Variants in SGCG observed in about 807,000 individuals in gnomAD.
The protein encoded by SGCG is gamma-sarcoglycan.
Under a neutral mutation model 29.3 loss-of-function variants are expected in SGCG, and 26 were observed. The ratio of observed to expected loss-of-function variants is 0.89; its 90% CI spans 0.65 to 1.23. The LOEUF (loss-of-function observed/expected upper bound fraction) is 1.23. SGCG is among the 50% of genes most tolerant of loss of function. SGCG has a pLI of 0.00. For missense variants in SGCG, 353 were observed against 356.0 expected, an observed-to-expected ratio of 0.99 and a Z score of 0.07; for synonymous variants, 145 against 129.7, an observed-to-expected ratio of 1.12 and a Z score of -0.80.
the SGCG span, among the ~76,000 whole-genome samples, chr13:23,165,923 T>C: frequency 2.0e-5 from 3 of 152,224 alleles, no homozygotes; most frequent in African/African-American, 7.2e-5. Flanking sequence ...AATTGCTCAT[T>C]AGTTCTAGCA....
intron 3 of SGCG, among the ~76,000 whole-genome samples, chr13:23,248,046 G>A (rs907254806): frequency 9.0e-5 from 13 of 143,690 alleles, no homozygotes; most frequent in South Asian, 2.3e-4. Context: ...AGGCCAAAGC[G>A]GGTGGATCAC....
intron 4 of SGCG, among the ~76,000 whole-genome samples, chr13:23,266,104 C>T (rs1880629102): frequency 6.6e-6 from 1 of 151,874 alleles, no homozygotes; most frequent in South Asian, 2.1e-4. Context: ...GTTGAAACCC[C>T]ATCTCTACCA....
intron 2 of SGCG, among the ~76,000 whole-genome samples, chr13:23,220,381 A>T (rs1878610476): frequency 6.6e-6 from 1 of 152,120 alleles, no homozygotes. Flanking sequence ...GCCAGGGAGG[A>T]GGAGGTTGCG....
chr13:23,300,854 G>A (rs372217317), intron 6 of SGCG, among the ~76,000 whole-genome samples: 4 of 147,110 alleles, frequency 2.7e-5, no homozygotes, highest in Admixed American at 6.8e-5. Flanking sequence ...GGTGGCTCAC[G>A]CCTGTAATCC....
chr13:23,267,013 CTG>C (rs1880666159), intron 4 of SGCG, among the ~76,000 whole-genome samples: 1 of 152,230 alleles, frequency 6.6e-6, no homozygotes, highest in Non-Finnish European at 1.5e-5. Context: ...CATTTCAAAT[CTG>C]TGAAATAAAA....
chr13:23,286,088 G>A (rs1881486436), intron 5 of SGCG, among the ~76,000 whole-genome samples: 1 of 152,136 alleles, frequency 6.6e-6, no homozygotes, highest in Admixed American at 6.5e-5. Flanking sequence ...CCAACAATGG[G>A]TAACTTTTTG....
intron 6 of SGCG, among the ~76,000 whole-genome samples, chr13:23,298,670 C>T (rs1158010043): frequency 1.3e-5 from 2 of 151,566 alleles, no homozygotes; most frequent in Admixed American, 6.6e-5. Context: ...GGAAATAATC[C>T]CATTAAAGCC....
chr13:23,199,273 A>C (rs1280033043), intron 1 of SGCG, among the ~76,000 whole-genome samples: 1 of 152,232 alleles, frequency 6.6e-6, no homozygotes, highest in African/African-American at 2.4e-5. Context: ...TGGAATATAG[A>C]TTTTAAGTTC....
At chr13:23,261,941 A>C (rs1880453191) in intron 4 of SGCG, among the ~76,000 whole-genome samples, 1 of 152,112 alleles carries the variant, frequency 6.6e-6, no homozygotes, top group South Asian at 2.1e-4. Context: ...TAAAGTCTTT[A>C]TCAGACAAGC....
At chr13:23,285,374 T>G (rs966660095) in intron 5 of SGCG, among the ~76,000 whole-genome samples, 1 of 152,164 alleles carries the variant, frequency 6.6e-6, no homozygotes, top group Non-Finnish European at 1.5e-5. Flanking sequence ...GGGATCCACC[T>G]AGGTCAACCT....
chr13:23,170,696 C>G, the SGCG span: 1 of 152,264 alleles, frequency 6.6e-6, no homozygotes, highest in African/African-American at 2.4e-5. Context: ...TCCAGGCACA[C>G]ATTTTCAGAG....
At chr13:23,308,813 G>A (rs574739838) in intron 6 of SGCG, among the ~76,000 whole-genome samples, 6 of 152,092 alleles carry the variant, frequency 3.9e-5, no homozygotes, top group East Asian at 1.9e-4. Context: ...ATTCACTCAC[G>A]TTGGCCTCCC....
chr13:23,248,728 G>C (rs78142978), intron 3 of SGCG, among the ~76,000 whole-genome samples: 3,140 of 145,456 alleles, frequency 0.022, 118 homozygotes, highest in Admixed American at 0.094. Context: ...TTCGGTGGCT[G>C]ATGCCTGTAA....
At chr13:23,223,696 G>A (rs1024619124) in intron 2 of SGCG, among the ~76,000 whole-genome samples, 5 of 152,156 alleles carry the variant, frequency 3.3e-5, no homozygotes, top group Non-Finnish European at 4.4e-5. Context: ...GGGCGTGGTG[G>A]CTCATGCCTG....
intron 6 of SGCG, among the ~76,000 whole-genome samples, chr13:23,301,613 G>A (rs775861224): frequency 1.3e-4 from 20 of 152,174 alleles, no homozygotes; most frequent in African/African-American, 3.9e-4. Context: ...GGGGTCCGGC[G>A]CGGTGGCTCA....
chr13:23,168,137 T>C, the SGCG span, among the ~76,000 whole-genome samples: 4 of 152,196 alleles, frequency 2.6e-5, no homozygotes, highest in African/African-American at 4.8e-5. Flanking sequence ...GATGGGTAGT[T>C]TGCAAATATT....
intron 4 of SGCG, among the ~76,000 whole-genome samples, chr13:23,263,713 G>A (rs564157097): frequency 7.9e-5 from 12 of 151,996 alleles, no homozygotes; most frequent in Non-Finnish European, 1.6e-4. Flanking sequence ...GAATCCAACA[G>A]CACTCCAAGA....
In SGCG at chr13:23,289,579, G is replaced by C. The variant is rs555904943; in HGVS notation, c.506-5836G>C. The stretch of plus-strand genomic sequence containing the variant: ...TGAATTTCTTTTGTATGTGGCGTTT[G>C]GCTGGATTTATTGTTTATAACATAA... On this transcript the variant is annotated intron_variant, in intron 5 of 7. Transcript: ENST00000218867. Among the ~76,000 whole-genome samples the C allele has an allele frequency of 2.4e-4, 36 of 152,222 alleles. 1 individual carries two copies. In the South Asian group the frequency reaches 6.2e-3, roughly 26 times the overall value.
At chr13:23,299,433 TATATATATATATATATA>T (rs1397748880) in intron 6 of SGCG, among the ~76,000 whole-genome samples, 1,339 of 30,746 alleles carry the variant, frequency 0.044, 213 homozygotes, top group Non-Finnish European at 0.061. Flanking sequence ...TATATATATA[TATATATATATATATATA>T]TATATATTTT....
Sources: allele counts gnomAD v4.1 joint callset (sites outside exome capture counted in the v4.1 genomes callset), GRCh38; gene constraint gnomAD v4.1.1; transcripts MANE v1.5; gene names NCBI Gene and HGNC (gene_info 2026-07-23, HGNC 2026-07-21).